The following PCDHGA12 variants were observed in gnomAD, a reference collection of about 807,000 sequenced individuals.
PCDHGA12 encodes protocadherin gamma subfamily A, 12, also known as protocadherin gamma-A12.
A neutral mutation model predicts 61.1 loss-of-function variants in PCDHGA12; 43 were observed. The observed-to-expected ratio is 0.70, with a 90% CI of 0.55 to 0.91. The LOEUF (loss-of-function observed/expected upper bound fraction) is 0.91, where lower values mean the gene tolerates loss of function less well. PCDHGA12 is among the 40% of genes least tolerant of loss of function. The pLI is 0.00. For synonymous variants in PCDHGA12, 520 were observed against 542.9 expected (o/e 0.96, Z 0.59); for missense variants, 1,236 against 1,227.7 (o/e 1.01, Z -0.10).
intron 2 of PCDHGA12, among the ~76,000 whole-genome samples, chr5:141,499,689 C>CTTTTTTT (rs545067566): frequency 3.3e-5 from 4 of 119,856 alleles, no homozygotes; most frequent in Admixed American, 8.7e-5. Context: ...TAACAGATGA[C>CTTTTTTT]TTTTTTTTTT....
chr5:141,433,329 G>A, intron 1 of PCDHGA12, 146 bp downstream of exon 1: 1 of 702,998 alleles, frequency 1.4e-6, no homozygotes, highest in Non-Finnish European at 2.4e-6. Context: ...GTGTAACAGG[G>A]ACTACAGGTG....
At chr5:141,464,604 G>A (rs1445968596) in intron 1 of PCDHGA12, among the ~76,000 whole-genome samples, 1 of 152,106 alleles carries the variant, frequency 6.6e-6, no homozygotes, top group East Asian at 1.9e-4. Context: ...AGTCTCCTTT[G>A]CAGAGTATAT....
rs758579068 is a variant in PCDHGA12, at chr5:141,485,232, T to C, written c.2425-9575T>C. 6.2e-7 allele frequency: 1 copy of C among 1,614,136 alleles called. No individual in the cohort carries two copies. The highest frequency in any genetic ancestry group is 8.5e-7 in the Non-Finnish European group (1 of 1,180,016). Reference sequence around the variant, plus strand: ...TGGCGGTGGGCTACCCTTTTGTTCCTCTTTTACCACCTGGGTTACGTTTGT... The same window carrying C: ...TGGCGGTGGGCTACCCTTTTGTTCCCCTTTTACCACCTGGGTTACGTTTGT... On this transcript the variant is annotated intron_variant, in intron 1 of 3. Coordinates refer to ENST00000252085, the MANE Select transcript of PCDHGA12 (RefSeq NM_003735.3). This position sits in a 1 kb window ranked among gnomAD's most constrained non-coding sequence, Gnocchi z 5.7.
At chr5:141,474,652 T>C (rs962582027) in intron 1 of PCDHGA12, among the ~76,000 whole-genome samples, 1 of 152,206 alleles carries the variant, frequency 6.6e-6, no homozygotes, top group African/African-American at 2.4e-5. Context: ...TCCTTACTTC[T>C]TTTCTACCTA....
intron 2 of PCDHGA12, among the ~76,000 whole-genome samples, chr5:141,501,877 A>G (rs1267260445): frequency 1.3e-5 from 2 of 151,690 alleles, no homozygotes; most frequent in East Asian, 3.9e-4. Flanking sequence ...GCCTCCTTAC[A>G]CTCCTGATCA....
In PCDHGA12 at chr5:141,487,765, GC is replaced by G. The variant is rs2099665397; in HGVS notation, c.2425-7041del. The G allele has an allele frequency of 6.5e-7, 1 of 1,541,774 alleles. No individual in the cohort carries two copies. Among genetic ancestry groups the G allele is most frequent in the South Asian group, 1.2e-5 (1 of 83,146 alleles). On this transcript the variant is annotated intron_variant, in intron 1 of 3. Transcript: ENST00000252085. This position sits in a 1 kb window ranked among gnomAD's most constrained non-coding sequence, Gnocchi z 5.0. ...GAGGTAACTATGTGGTAGACGCTGT[GC>G]TTTGTAACTGTTTCGTGAATTAACC...
rs761106133 is a variant in PCDHGA12 at position 141,432,117 on chromosome 5, C to A, written c.1358C>A (p.Pro453His). 1 of 1,614,180 alleles carries A rather than the reference C, an allele frequency of 6.2e-7. No individual in the cohort carries two copies. Among genetic ancestry groups the A allele is most frequent in the Admixed American group, 1.7e-5 (1 of 60,024 alleles). ...ACCAACGACAACCCGCCGGTCTTCC[C>A]TCAGGCCTCCTATTCCGCTTATATC... Reference protein sequence around the residue: ...ADTNDNPPVFPQASYSAYIPE... With the variant: ...ADTNDNPPVFHQASYSAYIPE... Residue 453 changes from proline to histidine, a missense_variant, in exon 1 of 4, where the codon CCT (proline) becomes CAT (histidine). By Grantham distance (77) the Pro-to-His change is moderately conservative. Transcript: ENST00000252085. The surrounding 1 kb of genome is among the most constrained non-coding windows in gnomAD (Gnocchi z 6.0).
intron 1 of PCDHGA12, 146 bp from the exon 2 acceptor site, chr5:141,494,661 G>C (rs2099755951): frequency 6.7e-7 from 1 of 1,492,856 alleles, no homozygotes; most frequent in African/African-American, 1.4e-5. Context: ...TTTGTCTTTG[G>C]AGATGAGTCC....
intron 1 of PCDHGA12, 41 bp from the exon 2 acceptor site, chr5:141,494,766 C>T (rs1017994327): frequency 6.2e-7 from 1 of 1,614,038 alleles, no homozygotes; most frequent in Non-Finnish European, 8.5e-7. Flanking sequence ...ATTCTAACTT[C>T]TCACGGGTAC....
Position 141,489,179 on chromosome 5 carries a change from C to T in PCDHGA12, c.2425-5628C>T. ...AGACTTCAGCTGCTGCATTCCAAGC[C>T]CTGGGTCTACCTTGGAGACAGGACA... On this transcript the variant is annotated intron_variant, in intron 1 of 3. Coordinates refer to ENST00000252085, the MANE Select transcript of PCDHGA12 (RefSeq NM_003735.3). The surrounding 1 kb of genome is among the most constrained non-coding windows in gnomAD (Gnocchi z 4.5). The T allele has an allele frequency of 8.0e-7, 1 of 1,243,186 alleles. No individual in the cohort carries two copies. The highest frequency in any genetic ancestry group is 1.1e-6 in the Non-Finnish European group (1 of 890,032). The allele number at this position is 1,243,186 out of a possible 1,614,324, so 77.0% of individuals were successfully genotyped here. A position where few individuals can be genotyped will look rare whatever the true frequency, so the allele number is the denominator to read the frequency against.
intron 1 of PCDHGA12, among the ~76,000 whole-genome samples, chr5:141,463,721 C>T (rs1012411825): frequency 1.3e-5 from 2 of 152,046 alleles, no homozygotes; most frequent in Non-Finnish European, 2.9e-5. Flanking sequence ...GCTGGGATTA[C>T]AGGCATGAGC....
Position 141,432,466 on chromosome 5 carries a change from G to A in PCDHGA12, c.1707G>A (p.Thr569=), listed in dbSNP as rs149116648. 5.7e-4 allele frequency: 913 copies of A among 1,614,208 alleles called. 6 individuals carry two copies. In the African/African-American group the frequency reaches 0.011, roughly 19 times the overall value. Residue 569 remains threonine (T), a synonymous_variant, in exon 1 of 4, where the codon ACG becomes ACA. Transcript: ENST00000252085. This position sits in a 1 kb window ranked among gnomAD's most constrained non-coding sequence, Gnocchi z 6.0. The part of the protein sequence containing the change: ...APEILYPALP[T]DGSTGVELAP... The stretch of plus-strand genomic sequence containing the variant: ...AGATCCTGTACCCCGCCCTCCCCAC[G>A]GACGGTTCCACTGGCGTGGAGCTGG...
chr5:141,495,702 T>C (rs1462896403), intron 2 of PCDHGA12, among the ~76,000 whole-genome samples: 3 of 152,212 alleles, frequency 2.0e-5, no homozygotes, highest in Non-Finnish European at 4.4e-5. Context: ...TCAATAAATG[T>C]GGAGTGAGTA....
In PCDHGA12 at chr5:141,491,491, G is replaced by C. The variant is rs2099717103; in HGVS notation, c.2425-3316G>C. The C allele has an allele frequency of 1.2e-6, 2 of 1,614,042 alleles. No homozygotes were observed. The highest frequency in any genetic ancestry group is 1.7e-5 in the Admixed American group (1 of 60,016). The stretch of plus-strand genomic sequence containing the variant: ...TAAGCAGTCCAGCCCCAACCTGCAG[G>C]TGAGCTCGGACGGCACGCTCAAGTA... On this transcript the variant is annotated intron_variant, in intron 1 of 3. Transcript: ENST00000252085. The surrounding 1 kb of genome is among the most constrained non-coding windows in gnomAD (Gnocchi z 6.9).
chr5:141,504,200 G>C (rs1232187138), intron 2 of PCDHGA12, among the ~76,000 whole-genome samples: 1 of 152,154 alleles, frequency 6.6e-6, no homozygotes, highest in Non-Finnish European at 1.5e-5. Context: ...TTGTCACTGT[G>C]GGAAAATTCC....
intron 1 of PCDHGA12, among the ~76,000 whole-genome samples, chr5:141,448,180 G>C (rs961721974): frequency 1.3e-5 from 2 of 151,998 alleles, no homozygotes; most frequent in African/African-American, 2.4e-5. Flanking sequence ...TTCATCCCTG[G>C]TTATGTACAC....
In PCDHGA12 at chr5:141,476,908, A is replaced by G. The variant is rs754076231; in HGVS notation, c.2425-17899A>G. 6.2e-7 allele frequency: 1 copy of G among 1,614,050 alleles called. No individual in the cohort carries two copies. The highest frequency in any genetic ancestry group is 8.5e-7 in the Non-Finnish European group (1 of 1,180,038). On this transcript the variant is annotated intron_variant, in intron 1 of 3. Coordinates refer to ENST00000252085, the MANE Select transcript of PCDHGA12 (RefSeq NM_003735.3). This position sits in a 1 kb window ranked among gnomAD's most constrained non-coding sequence, Gnocchi z 7.6. ...ATGCACCCTCCGGCACGCGCGTGGT[A>G]CAAGTCCTTGCAACGGATCTGGATG...
chr5:141,431,700 TC>T lies in PCDHGA12; in HGVS notation c.942del (p.Tyr315ThrfsTer20). On this transcript the variant is annotated frameshift_variant, in exon 1 of 4. Coordinates refer to ENST00000252085, the MANE Select transcript of PCDHGA12 (RefSeq NM_003735.3). LOFTEE classifies it high-confidence loss of function. The surrounding 1 kb of genome is among the most constrained non-coding windows in gnomAD (Gnocchi z 4.8). ...IGELDHEESG[F>X]YQMEVQAMDN... ...GAGTTGGACCACGAGGAGTCAGGAT[TC>T]TACCAGATGGAAGTGCAAGCAATGG... 6.2e-7 allele frequency: 1 copy of T among 1,614,218 alleles called. No individual in the cohort carries two copies.
intron 1 of PCDHGA12, among the ~76,000 whole-genome samples, chr5:141,452,299 A>G (rs2098738116): frequency 6.6e-6 from 1 of 152,176 alleles, no homozygotes; most frequent in African/African-American, 2.4e-5. Flanking sequence ...ATAAGAAAAT[A>G]TTAGAGACTC....
Sources: allele counts gnomAD v4.1 joint callset (sites outside exome capture counted in the v4.1 genomes callset), GRCh38; gene constraint gnomAD v4.1.1; non-coding constraint Gnocchi (gnomAD v3.1); transcripts MANE v1.5; gene names NCBI Gene and HGNC (gene_info 2026-07-23, HGNC 2026-07-21).